The following TSPOAP1 variants were observed in gnomAD, a reference collection of about 807,000 sequenced individuals.
TSPOAP1 encodes TSPO associated protein 1.
Under a neutral mutation model 197.0 loss-of-function variants are expected in TSPOAP1, and 87 were observed. The observed-to-expected ratio is 0.44, with a 90% CI of 0.37 to 0.53. TSPOAP1 has a LOEUF of 0.53. Ranked by LOEUF, TSPOAP1 falls within the 20% of genes least tolerant of loss-of-function variation. The pLI is 0.00. For synonymous variants in TSPOAP1, 913 were observed against 998.9 expected (o/e 0.91, Z 1.62); for missense variants, 2,174 against 2,411.3 (o/e 0.90, Z 2.06).
intron 25 of TSPOAP1, 40 bp from the exon 26 acceptor site, chr17:58,306,453 T>G (rs1598056292): frequency 6.5e-7 from 1 of 1,526,826 alleles, no homozygotes; most frequent in Non-Finnish European, 8.9e-7. Context: ...GCAGGGGAGG[T>G]GGGAGAGACA....
chr17:58,318,690 C>A (rs941100902), intron 13 of TSPOAP1, among the ~76,000 whole-genome samples: 1 of 152,176 alleles, frequency 6.6e-6, no homozygotes, highest in Non-Finnish European at 1.5e-5. Flanking sequence ...TTACAGCTTA[C>A]GAAACTATGG....
At chr17:58,321,158 G>C (rs1050611940) in intron 10 of TSPOAP1, among the ~76,000 whole-genome samples, 1 of 152,100 alleles carries the variant, frequency 6.6e-6, no homozygotes, top group African/African-American at 2.4e-5. Flanking sequence ...CAGCACTCGG[G>C]ATGACCTACC....
chr17:58,316,897 G>A (rs1249049766), intron 14 of TSPOAP1, among the ~76,000 whole-genome samples: 1 of 152,212 alleles, frequency 6.6e-6, no homozygotes, highest in East Asian at 1.9e-4. Flanking sequence ...GTTCCTTAAG[G>A]TAAAAACTCA....
At position 58,308,912 on chromosome 17, in the gene TSPOAP1, C is replaced by T. The variant is rs773433859; in HGVS notation, c.4360G>A (p.Val1454Ile). 2.4e-5 allele frequency: 38 copies of T among 1,595,468 alleles called. No individual in the cohort carries two copies. Among genetic ancestry groups the T allele is most frequent in the South Asian group, 9.0e-5 (8 of 89,032 alleles). ...GPTRERGGLP[V>I]IEGPRTGLEA... The stretch of plus-strand genomic sequence containing the variant: ...AGTCCAGTCCTGGGGCCCTCAATTA[C>T]GGGGAGGCCACCCCTCTCCCGTGTG... Residue 1454 changes from valine to isoleucine, a missense_variant, in exon 22 of 32, where the codon GTA becomes ATA. Physicochemically the swap from Val to Ile is conservative, Grantham distance 29. Around this residue, in one of 5 missense-constraint regions of TSPOAP1, gnomAD observed 1,933 missense variants for 2,139.0 expected, o/e 0.90. Coordinates refer to ENST00000343736, the MANE Select transcript of TSPOAP1 (RefSeq NM_004758.4).
chr17:58,310,176 A>G lies in TSPOAP1; in HGVS notation c.3700-18T>C, dbSNP rs115013874. The G allele has an allele frequency of 7.0e-4, 1,128 of 1,607,798 alleles. 11 individuals carry two copies. The African/African-American group carries it at 0.014, about 19-fold the overall frequency. Reference sequence around the variant, plus strand: ...TCCTCCTTCTGCAAGAAGTGAGGCAAGGCAGGAGAGATAAGGACAGTGAGG... The same window carrying G: ...TCCTCCTTCTGCAAGAAGTGAGGCAGGGCAGGAGAGATAAGGACAGTGAGG... On this transcript the variant is annotated intron_variant, in intron 20 of 31. Transcript: ENST00000343736.
In TSPOAP1 at chr17:58,323,372, G is replaced by A. The variant is rs565933065; in HGVS notation, c.1030C>T (p.Leu344Phe). The stretch of plus-strand genomic sequence containing the variant: ...TCGCATTTCTTCCGCTTCTTGCTGA[G>A]CTCCGATTCCTGAGGGGTCAGAACC... ...EQRVQQLESELSKKRKKCESL... is the reference protein window; with the variant it reads ...EQRVQQLESEFSKKRKKCESL... Residue 344 changes from leucine to phenylalanine, a missense_variant, in exon 7 of 32, where the codon CTC becomes TTC. By Grantham distance (22) the Leu-to-Phe change is conservative. Around this residue, in one of 5 missense-constraint regions of TSPOAP1, gnomAD observed 1,933 missense variants for 2,139.0 expected, o/e 0.90. Transcript: ENST00000343736. 2.5e-6 allele frequency: 4 copies of A among 1,614,118 alleles called. No homozygotes were observed. Among genetic ancestry groups the A allele is most frequent in the Middle Eastern group, 1.6e-4 (1 of 6,084 alleles).
chr17:58,319,951 C>G (rs536049648), intron 12 of TSPOAP1, among the ~76,000 whole-genome samples, 158 bp downstream of exon 12: 1 of 152,210 alleles, frequency 6.6e-6, no homozygotes, highest in Non-Finnish European at 1.5e-5. Flanking sequence ...GACAGCCGCA[C>G]GTGTCCTGTG....
Position 58,313,129 on chromosome 17 carries a change from C to G in TSPOAP1, c.2099-407G>C, listed in dbSNP as rs552681218. 1.2e-4 allele frequency among the ~76,000 whole-genome samples: 19 copies of G among 152,226 alleles called. No homozygotes were observed. In the East Asian group the frequency reaches 3.7e-3, roughly 29 times the overall value. Reference sequence around the variant, plus strand: ...TGTTGAGTATTTCAAGGTAAAATATCATAATGCTTTTAAAATCATGTTTAA... The same window carrying G: ...TGTTGAGTATTTCAAGGTAAAATATGATAATGCTTTTAAAATCATGTTTAA... On this transcript the variant is annotated intron_variant, in intron 16 of 31. Transcript: ENST00000343736.
rs143177468 is a variant in TSPOAP1, at chr17:58,318,124, C to T, written c.1872+156G>A. Among the ~76,000 whole-genome samples the T allele has an allele frequency of 5.9e-5, 9 of 152,314 alleles. No homozygotes were observed. In the East Asian group the frequency reaches 1.5e-3, roughly 26 times the overall value. ...CAGGAAGGGCTCCACCTGAGCGCCT[C>T]GCCCACAGGAGGAATCCACAGGCCT... On this transcript the variant is annotated intron_variant, in intron 14 of 31. Transcript: ENST00000343736.
In TSPOAP1 at chr17:58,326,514, A is replaced by G; in HGVS notation, c.442-93T>C. ...AGTCTTGGGCTAGAGCCCTAGGCTCACAGTGGGGTCCTTGGCAACTCTAGG... is the reference window on the plus strand; with the variant it reads ...AGTCTTGGGCTAGAGCCCTAGGCTCGCAGTGGGGTCCTTGGCAACTCTAGG... On this transcript the variant is annotated intron_variant, in intron 2 of 31. Coordinates refer to ENST00000343736, the MANE Select transcript of TSPOAP1 (RefSeq NM_004758.4). The surrounding 1 kb of genome is among the most constrained non-coding windows in gnomAD (Gnocchi z 4.7). 1.9e-6 allele frequency: 3 copies of G among 1,569,354 alleles called. No individual in the cohort carries two copies. Among genetic ancestry groups the G allele is most frequent in the Non-Finnish European group, 2.6e-6 (3 of 1,156,426 alleles).
chr17:58,323,055 A>G lies in TSPOAP1; in HGVS notation c.1105-16T>C, dbSNP rs1254624214. 4 of 1,597,284 alleles carry G rather than the reference A, an allele frequency of 2.5e-6. No individual in the cohort carries two copies. The highest frequency in any genetic ancestry group is 3.5e-5 in the Admixed American group (2 of 56,842). On this transcript the variant is annotated splice_polypyrimidine_tract_variant and intron_variant, in intron 7 of 31. Transcript: ENST00000343736. The stretch of plus-strand genomic sequence containing the variant: ...GCTGCAGTTCCTGAGCGGGCAGAGG[A>G]GCTCTCAGGAGGGAGCCCAGCACCC...
In TSPOAP1 at chr17:58,324,898, C is replaced by G; in HGVS notation, c.855G>C (p.Arg285=). 6.5e-7 allele frequency: 1 copy of G among 1,534,840 alleles called. No homozygotes were observed. Among genetic ancestry groups the G allele is most frequent in the Non-Finnish European group, 8.7e-7 (1 of 1,145,236 alleles). ...LQRQIALRNQ[R]ETLPLPPSWP... The stretch of plus-strand genomic sequence containing the variant: ...AGGACGGCGGGAGCGGGAGCGTCTC[C>G]CGCTGGTTGCGCAGCGCGATCTGCC... The change falls in exon 5 of 32, where the codon CGG becomes CGC. Residue 285 remains arginine, a synonymous_variant. Transcript: ENST00000343736. The surrounding 1 kb of genome is among the most constrained non-coding windows in gnomAD (Gnocchi z 5.8).
chr17:58,307,627 T>A lies in TSPOAP1; in HGVS notation c.4967A>T (p.Glu1656Val), dbSNP rs1469697354. Residue 1656 changes from glutamate (E) to valine (V), a missense_variant, in exon 24 of 32, where the codon GAG (glutamate) becomes GTG (valine). Glu to Val is a moderately radical substitution (Grantham distance 121). This residue lies in a region of TSPOAP1 where 16 missense variants were observed against 38.8 expected (regional missense o/e 0.41). Coordinates refer to ENST00000343736, the MANE Select transcript of TSPOAP1 (RefSeq NM_004758.4). ...ATCAGTCACCTTCAGGATCTGACCCTCTCGGAAGGGAAGCTCTTCTTCTCC... is the reference window on the plus strand; with the variant it reads ...ATCAGTCACCTTCAGGATCTGACCCACTCGGAAGGGAAGCTCTTCTTCTCC... The part of the protein sequence containing the change: ...DAGEEELPFR[E>V]GQILKVFGDK... 1 of 1,613,812 alleles carries A rather than the reference T, an allele frequency of 6.2e-7. No homozygotes were observed. Among genetic ancestry groups the A allele is most frequent in the Non-Finnish European group, 8.5e-7 (1 of 1,180,020 alleles).
intron 10 of TSPOAP1, among the ~76,000 whole-genome samples, chr17:58,321,567 G>A (rs182940453): frequency 1.2e-4 from 19 of 152,182 alleles, no homozygotes; most frequent in Non-Finnish European, 2.4e-4. Context: ...CAAAGTGCTG[G>A]GATGACAGGC....
intron 20 of TSPOAP1, 97 bp from the exon 21 acceptor site, chr17:58,310,255 T>C: frequency 7.6e-7 from 1 of 1,322,630 alleles, no homozygotes; most frequent in South Asian, 1.4e-5. Flanking sequence ...CAAGGGTCCT[T>C]TGGCAGAGGG....
Position 58,308,958 on chromosome 17 carries a change from C to A in TSPOAP1, c.4314G>T (p.Gln1438His). 6.2e-7 allele frequency: 1 copy of A among 1,608,482 alleles called. No individual in the cohort carries two copies. Among genetic ancestry groups the A allele is most frequent in the Non-Finnish European group, 8.5e-7 (1 of 1,178,056 alleles). ...CSRLLSNNGP[Q>H]ASGRLGPTRE... ...GTGTGGGGCCCAGTCGTCCAGAGGC[C>A]TGGGGCCCATTGTTGCTGAGAAGTC... is the stretch of plus-strand genomic sequence containing the variant. The change falls in exon 22 of 32, where the codon CAG (glutamine) becomes CAT (histidine). Residue 1438 changes from glutamine (Q) to histidine (H), a missense_variant. Around this residue, in one of 5 missense-constraint regions of TSPOAP1, gnomAD observed 1,933 missense variants for 2,139.0 expected, o/e 0.90. Transcript: ENST00000343736.
At position 58,312,104 on chromosome 17, in the gene TSPOAP1, T is replaced by C; in HGVS notation, c.2717A>G (p.Asn906Ser). The change falls in exon 17 of 32, where the codon AAT becomes AGT. Residue 906 changes from asparagine to serine, a missense_variant. Around this residue, in one of 5 missense-constraint regions of TSPOAP1, gnomAD observed 1,933 missense variants for 2,139.0 expected, o/e 0.90. Transcript: ENST00000343736. ...TSAEITWVPG[N>S]SNLAHAIYLN... ...GTAGATGGCATGGGCCAAGTTGCTA[T>C]TGCCGGGCACCCAGGTGATCTCAGC... The C allele has an allele frequency of 6.2e-7, 1 of 1,613,360 alleles. No individual in the cohort carries two copies. Among genetic ancestry groups the C allele is most frequent in the Non-Finnish European group, 8.5e-7 (1 of 1,180,004 alleles).
Position 58,304,495 on chromosome 17 carries a change from C to T in TSPOAP1, c.5545-96G>A. On this transcript the variant is annotated intron_variant, in intron 30 of 31. Coordinates refer to ENST00000343736, the MANE Select transcript of TSPOAP1 (RefSeq NM_004758.4). The surrounding 1 kb of genome is among the most constrained non-coding windows in gnomAD (Gnocchi z 4.2). ...TGGCCCTGCGCAGGGGTGGGCCCTA[C>T]TCTCCAAGGCCTTTGTGTTCACACA... is the stretch of plus-strand genomic sequence containing the variant. The T allele has an allele frequency of 1.0e-6, 1 of 957,372 alleles. No individual in the cohort carries two copies. The highest frequency in any genetic ancestry group is 1.7e-6 in the Non-Finnish European group (1 of 586,524). The allele number at this position is 957,372 out of a possible 1,614,324, so 59.3% of individuals were successfully genotyped here.
rs1206802735 is a variant in TSPOAP1, at chr17:58,310,056, C to G, written c.3802G>C (p.Glu1268Gln). The G allele has an allele frequency of 1.9e-6, 3 of 1,613,572 alleles. No individual in the cohort carries two copies. Among genetic ancestry groups the G allele is most frequent in the East Asian group, 4.5e-5 (2 of 44,882 alleles). The change falls in exon 21 of 32, where the codon GAG (glutamate) becomes CAG (glutamine). Residue 1268 changes from glutamate (E) to glutamine (Q), a missense_variant. Glu to Gln is a conservative substitution (Grantham distance 29). This residue lies in a region of TSPOAP1 where 1,933 missense variants were observed against 2,139.0 expected (regional missense o/e 0.90). Coordinates refer to ENST00000343736, the MANE Select transcript of TSPOAP1 (RefSeq NM_004758.4). ...CCCAGCTCCTCTTCCTCCTCCTCCT[C>G]CTCCTCTTCCTCTTCCTCCTGGATG... ...SDIQEEEEEE[E>Q]EEEEEELGSR...
Sources: allele counts gnomAD v4.1 joint callset (sites outside exome capture counted in the v4.1 genomes callset), GRCh38; gene constraint gnomAD v4.1.1; regional missense constraint gnomAD v4.1.1; non-coding constraint Gnocchi (gnomAD v3.1); transcripts MANE v1.5; gene names NCBI Gene and HGNC (gene_info 2026-07-23, HGNC 2026-07-21).